The following KSR2 variants were observed in gnomAD, a reference collection of about 807,000 sequenced individuals.
The protein encoded by KSR2 is kinase suppressor of ras 2.
KSR2 carries 25 observed loss-of-function variants against 107.8 expected under a neutral mutation model. That is an observed-to-expected ratio of 0.23 (90% confidence interval 0.17 to 0.32). KSR2 has a LOEUF of 0.32. Among genes scored for constraint, KSR2 ranks in the 10% least tolerant of loss-of-function variants. The probability of loss-of-function intolerance (pLI) is 1.00; values close to 1 mark genes in which losing one functional copy is unlikely to be tolerated. For missense variants in KSR2, 887 were observed against 1,268.9 expected, an observed-to-expected ratio of 0.70 and a Z score of 4.57; for synonymous variants, 480 against 507.0, an observed-to-expected ratio of 0.95 and a Z score of 0.71.
intron 4 of KSR2, among the ~76,000 whole-genome samples, chr12:117,747,641 G>C (rs11068672): frequency 0.14 from 21,697 of 151,868 alleles, 1,623 homozygotes; most frequent in Middle Eastern, 0.22. Context: ...AATGGGCAAA[G>C]AACCTGAATA....
intron 3 of KSR2, among the ~76,000 whole-genome samples, chr12:117,833,965 CA>C (rs5801254): frequency 1.8e-4 from 26 of 147,592 alleles, no homozygotes; most frequent in African/African-American, 5.5e-4. Flanking sequence ...CCTGTCTGTA[CA>C]AAAAAAAAAA....
chr12:117,914,528 T>TATCTGTCATA (rs1454365087), intron 1 of KSR2, among the ~76,000 whole-genome samples: 2 of 152,168 alleles, frequency 1.3e-5, no homozygotes, highest in African/African-American at 4.8e-5. Context: ...CCACTGGTTT[T>TATCTGTCATA]ATCTGTCATA....
chr12:117,647,717 C>A (rs1163226587), intron 5 of KSR2, among the ~76,000 whole-genome samples: 5 of 151,956 alleles, frequency 3.3e-5, no homozygotes. Context: ...AAGTCTGACC[C>A]ATCCGTTTTT....
chr12:117,773,208 GTTA>G (rs1319322932), intron 3 of KSR2, among the ~76,000 whole-genome samples: 2 of 152,164 alleles, frequency 1.3e-5, no homozygotes, highest in African/African-American at 4.8e-5. Context: ...GGCTCTGGGG[GTTA>G]TTAATTGTCA....
intron 11 of KSR2, 48 bp downstream of exon 11, chr12:117,531,618 A>C (rs745408246): frequency 7.7e-6 from 12 of 1,551,146 alleles, no homozygotes; most frequent in African/African-American, 1.4e-5. Context: ...CCTGCAATGC[A>C]GCGGGGCTTG....
intron 3 of KSR2, among the ~76,000 whole-genome samples, chr12:117,849,551 C>G (rs1459778513): frequency 6.6e-6 from 1 of 152,198 alleles, no homozygotes; most frequent in African/African-American, 2.4e-5. Context: ...GGTGATCTAA[C>G]AAGCTATGAG....
At chr12:117,721,901 G>A (rs1887222023) in intron 4 of KSR2, among the ~76,000 whole-genome samples, 1 of 152,154 alleles carries the variant, frequency 6.6e-6, no homozygotes, top group African/African-American at 2.4e-5. Context: ...GACCAGCAAT[G>A]TCCAAAAGAA....
intron 1 of KSR2, among the ~76,000 whole-genome samples, chr12:117,870,127 G>C (rs767020289): frequency 6.6e-6 from 1 of 152,196 alleles, no homozygotes; most frequent in Non-Finnish European, 1.5e-5. Flanking sequence ...TGCAAAAGTT[G>C]GGCATCGACC....
At position 117,790,456 on chromosome 12, in the gene KSR2, C is replaced by T. The variant is rs183704436; in HGVS notation, c.473-28932G>A. 7.3e-4 allele frequency among the ~76,000 whole-genome samples: 111 copies of T among 152,250 alleles called. No individual in the cohort carries two copies. The East Asian group carries it at 0.018, about 25-fold the overall frequency. ...CCGTGAATCTGCATTTTTACCTAAA[C>T]AATAGGGCAGAGGAAGCAATCAGAT... On this transcript the variant is annotated intron_variant, in intron 3 of 19. Coordinates refer to ENST00000339824, the MANE Select transcript of KSR2 (RefSeq NM_173598.6).
rs117625053 is a variant in KSR2, at chr12:117,488,888, C to T, written c.2220-3197G>A. On this transcript the variant is annotated intron_variant, in intron 14 of 19. Transcript: ENST00000339824. Reference sequence around the variant, plus strand: ...CCACTCAGTCTGCAGTACCGTGTCACGGTAGTCCAAACTAAGACGCAACCC... The same window carrying T: ...CCACTCAGTCTGCAGTACCGTGTCATGGTAGTCCAAACTAAGACGCAACCC... Among the ~76,000 whole-genome samples the T allele has an allele frequency of 5.9e-5, 9 of 152,018 alleles. 1 individual carries two copies. The highest frequency in any genetic ancestry group is 3.9e-4 in the East Asian group (2 of 5,168).
At chr12:117,563,367 A>G (rs1878250382) in intron 7 of KSR2, among the ~76,000 whole-genome samples, 1 of 152,164 alleles carries the variant, frequency 6.6e-6, no homozygotes, top group African/African-American at 2.4e-5. Flanking sequence ...CCGAAAGGAA[A>G]ATGGGGAAAG....
chr12:117,719,812 C>T (rs972213691), intron 4 of KSR2, among the ~76,000 whole-genome samples: 5 of 152,220 alleles, frequency 3.3e-5, no homozygotes, highest in Non-Finnish European at 7.3e-5. Context: ...CCCTTCTAAG[C>T]CTCCTTCAAA....
intron 1 of KSR2, among the ~76,000 whole-genome samples, chr12:117,956,858 G>C (rs752348657): frequency 6.6e-6 from 1 of 152,072 alleles, no homozygotes; most frequent in East Asian, 1.9e-4. Flanking sequence ...CCGTATTTCC[G>C]TTGGTCAATG....
At chr12:117,615,214 TACACAC>T (rs57116320) in intron 5 of KSR2, among the ~76,000 whole-genome samples, 4,009 of 147,848 alleles carry the variant, frequency 0.027, 73 homozygotes, top group East Asian at 0.094. Context: ...TCTCTTCAGT[TACACAC>T]ACACACACAC....
At chr12:117,558,839 T>C (rs1333274840) in intron 7 of KSR2, among the ~76,000 whole-genome samples, 1 of 151,344 alleles carries the variant, frequency 6.6e-6, no homozygotes, top group Non-Finnish European at 1.5e-5. Context: ...GATTGATAGG[T>C]GGCTGGACAG....
intron 3 of KSR2, among the ~76,000 whole-genome samples, chr12:117,764,494 G>A (rs1389003938): frequency 2.0e-5 from 3 of 152,138 alleles, no homozygotes; most frequent in Non-Finnish European, 4.4e-5. Context: ...ACCTCAACAA[G>A]CAGGGCATGA....
chr12:117,600,879 A>G (rs555941849), intron 5 of KSR2, among the ~76,000 whole-genome samples: 1 of 152,114 alleles, frequency 6.6e-6, no homozygotes, highest in Non-Finnish European at 1.5e-5. Context: ...TGGTAAAGGC[A>G]TGGGGGTCGA....
chr12:117,457,468 G>C lies in KSR2; in HGVS notation c.*9731C>G, dbSNP rs531104243. 1.1e-4 allele frequency: 17 copies of C among 152,194 alleles called. No homozygotes were observed. The allele number at this position is 152,194 out of a possible 1,614,324, so 9.4% of individuals were successfully genotyped here. ...GGCTATGCTGGAACTAGAGGACCGT[G>C]GCCCAGAAGCAATGCCTTGTGGAAT... On this transcript the variant is annotated 3_prime_UTR_variant, in exon 20 of 20. Transcript: ENST00000339824.
At chr12:117,725,397 C>T (rs967497729) in intron 4 of KSR2, among the ~76,000 whole-genome samples, 4 of 152,134 alleles carry the variant, frequency 2.6e-5, no homozygotes, top group Non-Finnish European at 5.9e-5. Context: ...ATATGGCCAA[C>T]TTACATTTGA....
Sources: gnomAD v4.1 joint callset for allele counts (sites outside exome capture counted in the v4.1 genomes callset) on GRCh38, gnomAD v4.1.1 for gene constraint, MANE v1.5 for transcripts, NCBI Gene and HGNC (gene_info 2026-07-23, HGNC 2026-07-21) for gene names.